The following ARB2A variants were observed in gnomAD, a reference collection of about 807,000 sequenced individuals.
The protein encoded by ARB2A is ARB2 cotranscriptional regulator A.
the ARB2A span, among the ~76,000 whole-genome samples, chr5:93,879,054 A>G: frequency 6.6e-6 from 1 of 152,130 alleles, no homozygotes; most frequent in East Asian, 1.9e-4. Flanking sequence ...GGTAAGAAGT[A>G]TATAAATAAA....
chr5:93,869,805 TC>T, the ARB2A span, among the ~76,000 whole-genome samples: 1 of 152,164 alleles, frequency 6.6e-6, no homozygotes, highest in Non-Finnish European at 1.5e-5. Flanking sequence ...CTTTGTGAGA[TC>T]CACCCCCTGC....
At chr5:93,984,372 G>A in the ARB2A span, among the ~76,000 whole-genome samples, 1 of 152,130 alleles carries the variant, frequency 6.6e-6, no homozygotes, top group Non-Finnish European at 1.5e-5. Flanking sequence ...TAAAAATGCA[G>A]CAGATGACAA....
the ARB2A span, among the ~76,000 whole-genome samples, chr5:93,956,375 G>C: frequency 6.6e-6 from 1 of 152,064 alleles, no homozygotes; most frequent in African/African-American, 2.4e-5. Flanking sequence ...CAGTTAGACA[G>C]GGCTCTACTA....
chr5:94,022,852 A>G, the ARB2A span, among the ~76,000 whole-genome samples: 218 of 152,364 alleles, frequency 1.4e-3, 1 homozygote, highest in South Asian at 8.1e-3. Flanking sequence ...TCACAAGTGT[A>G]CACTCAGTCA....
chr5:93,945,093 T>C, the ARB2A span, among the ~76,000 whole-genome samples: 44 of 152,346 alleles, frequency 2.9e-4, no homozygotes, highest in African/African-American at 9.9e-4. Context: ...AACCAGGTCA[T>C]AATCTGACAT....
chr5:93,762,033 A>G, the ARB2A span, among the ~76,000 whole-genome samples: 1 of 151,594 alleles, frequency 6.6e-6, no homozygotes, highest in Non-Finnish European at 1.5e-5. Flanking sequence ...AAGGACATCC[A>G]CACCAAAACC....
chr5:93,779,140 C>A, the ARB2A span, among the ~76,000 whole-genome samples: 1 of 149,482 alleles, frequency 6.7e-6, no homozygotes, highest in Non-Finnish European at 1.5e-5. Context: ...CGCGCGCGCA[C>A]GTGCAGGGGC....
the ARB2A span, among the ~76,000 whole-genome samples, chr5:93,984,158 G>A: frequency 6.6e-6 from 1 of 152,032 alleles, no homozygotes; most frequent in Admixed American, 6.5e-5. Flanking sequence ...TAGTAGTAAA[G>A]GGGGATAATG....
the ARB2A span, among the ~76,000 whole-genome samples, chr5:93,787,241 T>A: frequency 6.6e-6 from 1 of 152,134 alleles, no homozygotes; most frequent in Non-Finnish European, 1.5e-5. Flanking sequence ...CAGTAAGAGA[T>A]CCCTTTGAAT....
the ARB2A span, among the ~76,000 whole-genome samples, chr5:94,020,081 C>T: frequency 3.3e-5 from 5 of 152,000 alleles, no homozygotes; most frequent in African/African-American, 9.7e-5. Flanking sequence ...TGCTATGTAG[C>T]CATAAAAAAG....
chr5:94,043,552 A>G, the ARB2A span, among the ~76,000 whole-genome samples: 3 of 152,212 alleles, frequency 2.0e-5, no homozygotes, highest in Non-Finnish European at 4.4e-5. Context: ...CTGAAACAGC[A>G]TGCTTTCCTT....
the ARB2A span, among the ~76,000 whole-genome samples, chr5:93,873,399 AGGGG>A: frequency 2.4e-5 from 3 of 123,266 alleles, no homozygotes; most frequent in African/African-American, 9.2e-5. Flanking sequence ...GGGAAGGGGA[AGGGG>A]AAGGGGAAAG....
At chr5:94,024,412 A>G in the ARB2A span, among the ~76,000 whole-genome samples, 1 of 152,276 alleles carries the variant, frequency 6.6e-6, no homozygotes, top group South Asian at 2.1e-4. Flanking sequence ...CTCCATAATC[A>G]CATGAGCCAA....
At chr5:93,943,203 A>T in the ARB2A span, among the ~76,000 whole-genome samples, 3 of 152,160 alleles carry the variant, frequency 2.0e-5, no homozygotes, top group East Asian at 5.8e-4. Flanking sequence ...GCCATCTAAA[A>T]TGATTACTCC....
At chr5:94,109,267 G>A in the ARB2A span, among the ~76,000 whole-genome samples, 2 of 152,292 alleles carry the variant, frequency 1.3e-5, no homozygotes, top group South Asian at 4.1e-4. Context: ...GCAGTTGTCA[G>A]GGGCTGAAGG....
the ARB2A span, among the ~76,000 whole-genome samples, chr5:93,764,198 C>G: frequency 6.6e-6 from 1 of 152,104 alleles, no homozygotes. Context: ...TAACTAAAAT[C>G]AGAGCAGAAC....
At chr5:93,976,924 C>T in the ARB2A span, among the ~76,000 whole-genome samples, 13 of 151,486 alleles carry the variant, frequency 8.6e-5, no homozygotes, top group Admixed American at 5.3e-4. Context: ...GACGGAAAAT[C>T]GAAACACAAA....
At chr5:93,868,865 C>G in the ARB2A span, among the ~76,000 whole-genome samples, 18 of 152,286 alleles carry the variant, frequency 1.2e-4, no homozygotes, top group Non-Finnish European at 2.2e-4. Context: ...GCCTTACCAA[C>G]CAAGGAAACT....
the ARB2A span, among the ~76,000 whole-genome samples, chr5:93,660,908 AG>A: frequency 3.3e-5 from 5 of 152,156 alleles, no homozygotes; most frequent in African/African-American, 1.2e-4. Context: ...GCCCTGTCTG[AG>A]GGGTACTGAT....
Sources: allele counts gnomAD v4.1 joint callset (sites outside exome capture counted in the v4.1 genomes callset), GRCh38; gene constraint gnomAD v4.1.1; transcripts MANE v1.5; gene names NCBI Gene and HGNC (gene_info 2026-07-23, HGNC 2026-07-21).